The following ZNF483 variants were observed in gnomAD, a reference collection of about 807,000 sequenced individuals.
ZNF483 encodes the protein zinc finger protein 483.
ZNF483 carries 9 observed loss-of-function variants against 28.6 expected under a neutral mutation model. That is an observed-to-expected ratio of 0.32 (90% CI 0.19 to 0.55). The LOEUF (loss-of-function observed/expected upper bound fraction) is 0.55, where lower values mean the gene tolerates loss of function less well. Ranked by LOEUF, ZNF483 falls within the 20% of genes least tolerant of loss-of-function variation. ZNF483 has a pLI of 0.93. For missense variants in ZNF483, 675 were observed against 871.7 expected, an observed-to-expected ratio of 0.77 and a Z score of 2.84; for synonymous variants, 322 against 306.2, an observed-to-expected ratio of 1.05 and a Z score of -0.54.
chr9:111,570,251 G>A (rs750258988), intron 5 of ZNF483: 1 of 1,584,914 alleles, frequency 6.3e-7, no homozygotes, highest in African/African-American at 1.3e-5. Flanking sequence ...GATCCAGGGA[G>A]GTGCCCATGG....
chr9:111,566,917 T>C (rs1828585705), intron 5 of ZNF483, among the ~76,000 whole-genome samples: 2 of 152,006 alleles, frequency 1.3e-5, no homozygotes, highest in South Asian at 4.1e-4. Flanking sequence ...TGAAAGCCCT[T>C]CTCTACGAAA....
At chr9:111,563,283 T>A (rs1448513346) in intron 5 of ZNF483, 1 of 1,519,532 alleles carries the variant, frequency 6.6e-7, no homozygotes, top group South Asian at 1.2e-5. Context: ...TTCTCAATGA[T>A]ATACTGTTCT....
intron 1 of ZNF483, among the ~76,000 whole-genome samples, chr9:111,526,709 T>C (rs1298032235): frequency 6.6e-6 from 1 of 152,174 alleles, no homozygotes; most frequent in Non-Finnish European, 1.5e-5. Context: ...CTGGGTCCCC[T>C]TGTGAACCTT....
At chr9:111,540,282 A>G (rs1827641157) in intron 5 of ZNF483, among the ~76,000 whole-genome samples, 1 of 152,176 alleles carries the variant, frequency 6.6e-6, no homozygotes, top group South Asian at 2.1e-4. Context: ...AAGGAAATAC[A>G]CAGAATTGTG....
rs1055976459 is a variant in ZNF483, at chr9:111,527,303, T to A, written c.-93T>A. The A allele has an allele frequency of 2.9e-6, 4 of 1,363,390 alleles. No homozygotes were observed. Among genetic ancestry groups the A allele is most frequent in the Admixed American group, 2.3e-5 (1 of 43,990 alleles). The allele number at this position is 1,363,390 out of a possible 1,614,324, so 84.5% of individuals were successfully genotyped here. On this transcript the variant is annotated 5_prime_UTR_variant, in exon 2 of 6. It adds an upstream start codon to the 5' untranslated region. Transcript: ENST00000309235. ...ACTGTAAACTGGATTCCTGGAACCT[T>A]TGATATTCCTGGCTGTGTATAGTGC... is the stretch of plus-strand genomic sequence containing the variant.
chr9:111,574,015 A>T (rs1828948062), intron 5 of ZNF483, among the ~76,000 whole-genome samples: 1 of 152,152 alleles, frequency 6.6e-6, no homozygotes, highest in African/African-American at 2.4e-5. Flanking sequence ...CTGCTCCAAG[A>T]AGCACTGCCC....
chr9:111,575,514 A>T (rs1389642181), intron 5 of ZNF483: 2 of 152,254 alleles, frequency 1.3e-5, no homozygotes. Context: ...AAAACTTAAT[A>T]CAAAGCTAAA....
intron 2 of ZNF483, among the ~76,000 whole-genome samples, chr9:111,528,640 C>T (rs1295029957): frequency 6.6e-6 from 1 of 151,980 alleles, no homozygotes; most frequent in African/African-American, 2.4e-5. Context: ...TATTATTTAC[C>T]ATAGGGCTCC....
At position 111,547,816 on chromosome 9, in the gene ZNF483, A is replaced by G. The variant is rs1198362927; in HGVS notation, c.*4646A>G. ...ACCATTTTGATTTTTATGTATGGTA[A>G]AGGGTCCATCTTCATTCTTTTGCAT... On this transcript the variant is annotated 3_prime_UTR_variant, in exon 6 of 6. Coordinates refer to ENST00000309235, the MANE Select transcript of ZNF483 (RefSeq NM_133464.5). Among the ~76,000 whole-genome samples, 1 of 152,100 alleles carries G rather than the reference A, an allele frequency of 6.6e-6. No homozygotes were observed. Among genetic ancestry groups the G allele is most frequent in the Non-Finnish European group, 1.5e-5 (1 of 67,976 alleles).
At chr9:111,566,724 T>C (rs1368760968) in intron 5 of ZNF483, among the ~76,000 whole-genome samples, 2 of 152,306 alleles carry the variant, frequency 1.3e-5, no homozygotes, top group Non-Finnish European at 2.9e-5. Context: ...TCATATACTA[T>C]TCTGGGGGCT....
intron 1 of ZNF483, among the ~76,000 whole-genome samples, chr9:111,526,976 T>C (rs2132209089): frequency 6.6e-6 from 1 of 152,054 alleles, no homozygotes; most frequent in East Asian, 1.9e-4. Context: ...GGTGGGCGCC[T>C]ATAATCCCAG....
rs1438639137 is a variant in ZNF483, at chr9:111,527,354, A to G, written c.-42A>G. ...CTGTTGGTGGACTGTACTGATACTC[A>G]ACTAGAGTGTGAAGGGACTGGATTC... On this transcript the variant is annotated 5_prime_UTR_variant, in exon 2 of 6. Coordinates refer to ENST00000309235, the MANE Select transcript of ZNF483 (RefSeq NM_133464.5). The G allele has an allele frequency of 1.3e-6, 2 of 1,595,192 alleles. No homozygotes were observed. Among genetic ancestry groups the G allele is most frequent in the East Asian group, 4.5e-5 (2 of 44,768 alleles).
In ZNF483 at chr9:111,574,764, T is replaced by C. The variant is rs756333835; in HGVS notation, c.722-1601T>C. 8.1e-6 allele frequency: 13 copies of C among 1,613,894 alleles called. No homozygotes were observed. The East Asian group carries it at 2.5e-4, about 30-fold the overall frequency. On this transcript the variant is annotated intron_variant, in intron 5 of 5. Coordinates refer to the ZNF483 transcript ENST00000358151. ...GGAAGTGGGCCGGTTCTGTTATATG[T>C]AGAGATGGCTCCACATATGGCAATC... is the stretch of plus-strand genomic sequence containing the variant.
Position 111,534,500 on chromosome 9 carries a change from G to A in ZNF483, c.721+147G>A, listed in dbSNP as rs924357063. ...TTGCCTTCCTGAAATGTTCATTTTA[G>A]TGGGGGAGACTTGGTTTGGGTCCTC... On this transcript the variant is annotated intron_variant, in intron 5 of 5. Coordinates refer to ENST00000309235, the MANE Select transcript of ZNF483 (RefSeq NM_133464.5). 10 of 670,702 alleles carry A rather than the reference G, an allele frequency of 1.5e-5. No individual in the cohort carries two copies. In the South Asian group the frequency reaches 1.6e-4, roughly 11 times the overall value. The allele number at this position is 670,702 out of a possible 1,614,324, so 41.5% of individuals were successfully genotyped here.
chr9:111,567,507 C>T lies in ZNF483; in HGVS notation c.722-8858C>T, dbSNP rs114399563. 1.9e-3 allele frequency among the ~76,000 whole-genome samples: 291 copies of T among 152,190 alleles called. 1 individual carries two copies. The highest frequency in any genetic ancestry group is 6.6e-3 in the African/African-American group (273 of 41,528). Reference sequence around the variant, plus strand: ...TCCAGACGGCACTTTTTAGCAAAGGCTTGCAGGACGTGAGAGAATTCAGCA... The same window carrying T: ...TCCAGACGGCACTTTTTAGCAAAGGTTTGCAGGACGTGAGAGAATTCAGCA... On this transcript the variant is annotated intron_variant, in intron 5 of 5. Coordinates refer to the ZNF483 transcript ENST00000358151.
At chr9:111,560,549 G>A (rs1465791761) in intron 5 of ZNF483, among the ~76,000 whole-genome samples, 5 of 146,024 alleles carry the variant, frequency 3.4e-5, no homozygotes, top group African/African-American at 2.6e-5. Context: ...GCTGAGGCAG[G>A]AGAATTGCTT....
At chr9:111,532,246 A>G (rs532757621) in intron 3 of ZNF483, among the ~76,000 whole-genome samples, 138 of 152,198 alleles carry the variant, frequency 9.1e-4, no homozygotes, top group African/African-American at 3.2e-3. Flanking sequence ...ACAGTCTTTC[A>G]CTTGAGCCTG....
At chr9:111,571,886 A>C (rs917734491) in intron 5 of ZNF483, among the ~76,000 whole-genome samples, 1 of 152,180 alleles carries the variant, frequency 6.6e-6, no homozygotes, top group Admixed American at 6.5e-5. Context: ...AGCACCCCAG[A>C]AAAAGCACAC....
chr9:111,541,256 A>AT (rs1455936475), intron 5 of ZNF483, among the ~76,000 whole-genome samples: 8 of 151,896 alleles, frequency 5.3e-5, no homozygotes, highest in African/African-American at 1.9e-4. Flanking sequence ...CACCCAGCTA[A>AT]TTTTTTGTAT....
Sources: allele counts gnomAD v4.1 joint callset (sites outside exome capture counted in the v4.1 genomes callset), GRCh38; gene constraint gnomAD v4.1.1; transcripts MANE v1.5; gene names NCBI Gene and HGNC (gene_info 2026-07-23, HGNC 2026-07-21).